The following MDFIC2 variants were observed in gnomAD, a reference collection of about 807,000 sequenced individuals.
The protein encoded by MDFIC2 is MyoD family inhibitor domain containing 2, also known as myoD family inhibitor domain-containing protein 2.
At chr3:70,238,908 C>T (rs897563017) in intron 2 of MDFIC2, among the ~76,000 whole-genome samples, 2 of 152,184 alleles carry the variant, frequency 1.3e-5, no homozygotes, top group East Asian at 3.8e-4. Context: ...TTCTTCCCAT[C>T]TCTTTTTAGA....
chr3:70,285,663 C>T (rs1313284075), intron 2 of MDFIC2, among the ~76,000 whole-genome samples: 5 of 150,532 alleles, frequency 3.3e-5, no homozygotes, highest in African/African-American at 1.2e-4. Context: ...AACTAGTTTA[C>T]AGTCCCACCA....
In MDFIC2 at chr3:70,278,859, T is replaced by C. The variant is rs765193272; in HGVS notation, c.88+33027A>G. On this transcript the variant is annotated intron_variant, in intron 2 of 3. Coordinates refer to ENST00000567252, the MANE Select transcript of MDFIC2 (RefSeq NM_001364677.1). The stretch of plus-strand genomic sequence containing the variant: ...AAGCCACCTCAAATCAAAGGGTTGT[T>C]GTAAAAACAAATGAAATAACAATTG... Among the ~76,000 whole-genome samples, 64 of 152,030 alleles carry C rather than the reference T, an allele frequency of 4.2e-4. 1 individual carries two copies. The highest frequency in any genetic ancestry group is 1.0e-3 in the Admixed American group (16 of 15,252).
At chr3:70,287,430 C>G (rs1702177881) in intron 2 of MDFIC2, among the ~76,000 whole-genome samples, 1 of 151,592 alleles carries the variant, frequency 6.6e-6, no homozygotes, top group Admixed American at 6.6e-5. Context: ...GGTGGATAAA[C>G]TTTTTGATGT....
At chr3:70,219,822 GC>G (rs1701446370) in intron 2 of MDFIC2, among the ~76,000 whole-genome samples, 2 of 152,102 alleles carry the variant, frequency 1.3e-5, no homozygotes, top group Admixed American at 1.3e-4. Context: ...GCAAAATGAT[GC>G]CAAACTCAAA....
chr3:70,206,517 G>A (rs1462391964), intron 3 of MDFIC2, 52 bp downstream of exon 3: 4 of 396,930 alleles, frequency 1.0e-5, no homozygotes, highest in African/African-American at 2.1e-5. Context: ...TTTTACAGGG[G>A]ATGGGGGTTG....
intron 2 of MDFIC2, among the ~76,000 whole-genome samples, chr3:70,270,271 C>T (rs1701964096): frequency 6.6e-6 from 1 of 152,066 alleles, no homozygotes; most frequent in Non-Finnish European, 1.5e-5. Context: ...ACAGCAAATC[C>T]TAGCACATTA....
intron 2 of MDFIC2, among the ~76,000 whole-genome samples, chr3:70,299,315 T>C (rs990075336): frequency 4.9e-5 from 7 of 143,998 alleles, no homozygotes; most frequent in Non-Finnish European, 9.2e-5. Context: ...AATTATAAAT[T>C]TGTGCGTTAT....
At chr3:70,255,302 C>A (rs990889648) in intron 2 of MDFIC2, among the ~76,000 whole-genome samples, 1 of 152,130 alleles carries the variant, frequency 6.6e-6, no homozygotes, top group Non-Finnish European at 1.5e-5. Flanking sequence ...AACATACATA[C>A]TGTGATTTTA....
In MDFIC2 at chr3:70,251,742, G is replaced by A. The variant is rs1262320625; in HGVS notation, c.89-44952C>T. 7.2e-5 allele frequency among the ~76,000 whole-genome samples: 11 copies of A among 152,144 alleles called. 1 individual carries two copies. Among genetic ancestry groups the A allele is most frequent in the Admixed American group, 2.6e-4 (4 of 15,272 alleles). On this transcript the variant is annotated intron_variant, in intron 2 of 3. Coordinates refer to ENST00000567252, the MANE Select transcript of MDFIC2 (RefSeq NM_001364677.1). ...TAATACCATACCTAAGTAGTTGCTC[G>A]TCTAAGGAAGATGAGGAACCTGTAG...
chr3:70,262,083 T>C (rs563799213), intron 2 of MDFIC2, among the ~76,000 whole-genome samples: 1 of 152,306 alleles, frequency 6.6e-6, no homozygotes, highest in East Asian at 1.9e-4. Flanking sequence ...ATAAAGCCTT[T>C]TCTTTTCTCA....
In MDFIC2 at chr3:70,279,949, G is replaced by C. The variant is rs377324831; in HGVS notation, c.88+31937C>G. ...GAGATCCTGTCTTTGCTCCATTACT[G>C]TAGTTGTTTTTTAGGGTTGCTGTAA... On this transcript the variant is annotated intron_variant, in intron 2 of 3. Coordinates refer to ENST00000567252, the MANE Select transcript of MDFIC2 (RefSeq NM_001364677.1). Among the ~76,000 whole-genome samples the C allele has an allele frequency of 1.3e-4, 20 of 152,234 alleles. No homozygotes were observed. In the South Asian group the frequency reaches 4.1e-3, roughly 32 times the overall value.
chr3:70,209,224 A>T (rs1701318895), intron 2 of MDFIC2, among the ~76,000 whole-genome samples: 1 of 152,000 alleles, frequency 6.6e-6, no homozygotes, highest in Non-Finnish European at 1.5e-5. Context: ...GCATGGAGAG[A>T]TTGTAGGATG....
At chr3:70,206,985 C>A (rs1254695365) in intron 2 of MDFIC2, among the ~76,000 whole-genome samples, 195 bp from the exon 3 acceptor site, 2 of 150,450 alleles carry the variant, frequency 1.3e-5, no homozygotes, top group Non-Finnish European at 3.0e-5. Flanking sequence ...AAATTTTATA[C>A]ACATTGCAAA....
chr3:70,222,375 A>C (rs1354784378), intron 2 of MDFIC2, among the ~76,000 whole-genome samples: 1 of 152,154 alleles, frequency 6.6e-6, no homozygotes, highest in Non-Finnish European at 1.5e-5. Context: ...TGGCATTTTT[A>C]TTTTTGTCAA....
chr3:70,274,938 T>C (rs1272725090), intron 2 of MDFIC2, among the ~76,000 whole-genome samples: 2 of 152,158 alleles, frequency 1.3e-5, no homozygotes, highest in African/African-American at 4.8e-5. Flanking sequence ...ATGAGTTATA[T>C]AAAAGTGGGA....
chr3:70,216,529 A>G (rs1478301429), intron 2 of MDFIC2, among the ~76,000 whole-genome samples: 1 of 152,092 alleles, frequency 6.6e-6, no homozygotes, highest in Non-Finnish European at 1.5e-5. Context: ...TGGAGCTAGA[A>G]TTTTAACTAA....
intron 2 of MDFIC2, among the ~76,000 whole-genome samples, chr3:70,290,717 G>T (rs944875886): frequency 1.3e-5 from 2 of 152,094 alleles, no homozygotes; most frequent in Admixed American, 6.5e-5. Context: ...GTGAGACTCC[G>T]TGGGCGTAGG....
intron 3 of MDFIC2, among the ~76,000 whole-genome samples, chr3:70,199,902 A>G (rs1408767540): frequency 6.6e-6 from 1 of 152,150 alleles, no homozygotes; most frequent in Non-Finnish European, 1.5e-5. Flanking sequence ...CGTCTTCAAA[A>G]CATCTCACTT....
At chr3:70,284,460 A>T in intron 2 of MDFIC2, among the ~76,000 whole-genome samples, 1 of 152,048 alleles carries the variant, frequency 6.6e-6, no homozygotes, top group East Asian at 1.9e-4. Flanking sequence ...AGAGATTGGA[A>T]CCCATTTACT....
Sources: allele counts gnomAD v4.1 joint callset (sites outside exome capture counted in the v4.1 genomes callset), GRCh38; gene constraint gnomAD v4.1.1; transcripts MANE v1.5; gene names NCBI Gene and HGNC (gene_info 2026-07-23, HGNC 2026-07-21).